COL5A2: variants seen among roughly 807,000 people sequenced by gnomAD.
COL5A2 encodes collagen alpha-2(V) chain.
In COL5A2, 23 loss-of-function variants were observed where a neutral mutation model predicts 208.2. The ratio of observed to expected loss-of-function variants is 0.11; its 90% CI spans 0.08 to 0.16. COL5A2 has a LOEUF of 0.16. Among genes scored for constraint, COL5A2 ranks in the 10% least tolerant of loss-of-function variants. COL5A2 has a pLI of 1.00. For missense variants in COL5A2, 1,590 were observed against 1,956.4 expected, an observed-to-expected ratio of 0.81 and a Z score of 3.53; for synonymous variants, 625 against 628.5, an observed-to-expected ratio of 0.99 and a Z score of 0.08.
intron 8 of COL5A2, 62 bp from the exon 9 acceptor site, chr2:189,086,832 A>G: frequency 7.4e-7 from 1 of 1,356,940 alleles, no homozygotes; most frequent in Non-Finnish European, 1.0e-6. Context: ...AAATATTTCA[A>G]AAATGTTGAA....
chr2:189,051,552 T>C (rs1473476199), intron 41 of COL5A2, 71 bp from the exon 42 acceptor site: 1 of 1,402,776 alleles, frequency 7.1e-7, no homozygotes, highest in African/African-American at 1.5e-5. Context: ...GACATAACGC[T>C]GTCTGCCTCA....
chr2:189,270,692 C>T, the COL5A2 span, among the ~76,000 whole-genome samples: 1 of 151,994 alleles, frequency 6.6e-6, no homozygotes, highest in East Asian at 1.9e-4. Context: ...AAAGGGTATT[C>T]AAATAGGAAG....
chr2:189,178,266 G>A (rs554947253), intron 1 of COL5A2, among the ~76,000 whole-genome samples: 26 of 152,136 alleles, frequency 1.7e-4, no homozygotes, highest in African/African-American at 6.0e-4. Flanking sequence ...TTACAAATTC[G>A]TATTTTCACT....
At chr2:189,288,054 C>T in the COL5A2 span, among the ~76,000 whole-genome samples, 1 of 151,664 alleles carries the variant, frequency 6.6e-6, no homozygotes, top group Non-Finnish European at 1.5e-5. Context: ...AACAGCTACA[C>T]TAAAAAAAAG....
intron 1 of COL5A2, among the ~76,000 whole-genome samples, chr2:189,114,355 C>T (rs1336820172): frequency 6.6e-6 from 1 of 152,066 alleles, no homozygotes; most frequent in Admixed American, 6.5e-5. Flanking sequence ...TAGTTGTACA[C>T]CATATGATTA....
At chr2:189,192,974 T>G (rs534655818) in intron 1 of COL5A2, among the ~76,000 whole-genome samples, 1 of 152,360 alleles carries the variant, frequency 6.6e-6, no homozygotes, top group African/African-American at 2.4e-5. Flanking sequence ...AGAGTGCTAC[T>G]TATCACAAGA....
chr2:189,245,587 C>T, the COL5A2 span, among the ~76,000 whole-genome samples: 1 of 151,330 alleles, frequency 6.6e-6, no homozygotes, highest in African/African-American at 2.4e-5. Context: ...CGGGTTCACG[C>T]CATTCTCCTG....
intron 1 of COL5A2, among the ~76,000 whole-genome samples, chr2:189,201,310 G>C (rs1304815817): frequency 6.6e-6 from 1 of 151,872 alleles, no homozygotes; most frequent in Non-Finnish European, 1.5e-5. Context: ...TTAATAATAA[G>C]TCCATGAAAT....
At chr2:189,151,114 A>G (rs572994528) in intron 1 of COL5A2, among the ~76,000 whole-genome samples, 30 of 152,266 alleles carry the variant, frequency 2.0e-4, no homozygotes, top group African/African-American at 6.3e-4. Flanking sequence ...ATAATAAGAA[A>G]TAAATGTAAC....
At chr2:189,271,900 T>C in the COL5A2 span, among the ~76,000 whole-genome samples, 3 of 152,126 alleles carry the variant, frequency 2.0e-5, no homozygotes, top group African/African-American at 7.2e-5. Context: ...CCAACAAACA[T>C]ATTTTAAAAA....
the COL5A2 span, among the ~76,000 whole-genome samples, chr2:189,363,645 C>T: frequency 6.6e-6 from 1 of 151,846 alleles, no homozygotes; most frequent in Admixed American, 6.6e-5. Flanking sequence ...AAGTATGGTA[C>T]TAACAGCCTC....
Position 189,057,036 on chromosome 2 carries a change from C to G in COL5A2, c.2338-10G>C. On this transcript the variant is annotated splice_polypyrimidine_tract_variant and intron_variant, in intron 34 of 53. Coordinates refer to ENST00000374866, the MANE Select transcript of COL5A2 (RefSeq NM_000393.5). ...TTTCTCCTATGCCACCCTGGGAAAA[C>G]ACACAAAATACAATTGATTCATTTA... is the stretch of plus-strand genomic sequence containing the variant. 1.2e-6 allele frequency: 2 copies of G among 1,613,096 alleles called. No homozygotes were observed. The highest frequency in any genetic ancestry group is 1.7e-6 in the Non-Finnish European group (2 of 1,179,122).
At chr2:189,239,970 A>T in the COL5A2 span, among the ~76,000 whole-genome samples, 1 of 152,146 alleles carries the variant, frequency 6.6e-6, no homozygotes, top group Non-Finnish European at 1.5e-5. Context: ...GGAAGATAAT[A>T]ACTCTGTACT....
chr2:189,091,177 A>C (rs1576520335), intron 7 of COL5A2, among the ~76,000 whole-genome samples: 1 of 152,318 alleles, frequency 6.6e-6, no homozygotes, highest in Non-Finnish European at 1.5e-5. Context: ...CATTGGGGGA[A>C]GTAATTGCAG....
upstream of COL5A2, among the ~76,000 whole-genome samples, chr2:189,226,511 G>C (rs193050818): frequency 6.6e-6 from 1 of 152,220 alleles, no homozygotes; most frequent in East Asian, 1.9e-4. Context: ...TGTGATTGGA[G>C]GGAAACTACC....
At chr2:189,408,618 T>G in the COL5A2 span, among the ~76,000 whole-genome samples, 1 of 152,178 alleles carries the variant, frequency 6.6e-6, no homozygotes, top group Non-Finnish European at 1.5e-5. Flanking sequence ...ATAAATTATA[T>G]GTACTAATTT....
intron 9 of COL5A2, among the ~76,000 whole-genome samples, chr2:189,086,118 G>C (rs1470818991): frequency 6.6e-6 from 1 of 152,132 alleles, no homozygotes; most frequent in Non-Finnish European, 1.5e-5. Flanking sequence ...GTCACTGATA[G>C]CTTGAAGTAA....
At chr2:189,257,203 A>G in the COL5A2 span, among the ~76,000 whole-genome samples, 1 of 152,056 alleles carries the variant, frequency 6.6e-6, no homozygotes, top group African/African-American at 2.4e-5. Flanking sequence ...GAGCCAATTT[A>G]CCCCACATTA....
chr2:189,233,633 G>A, the COL5A2 span, among the ~76,000 whole-genome samples: 1 of 151,110 alleles, frequency 6.6e-6, no homozygotes, highest in African/African-American at 2.4e-5. Flanking sequence ...TTTTATTGTT[G>A]GAAGAAGTGT....
Sources: gnomAD v4.1 joint callset for allele counts (sites outside exome capture counted in the v4.1 genomes callset) on GRCh38, gnomAD v4.1.1 for gene constraint, MANE v1.5 for transcripts, NCBI Gene and HGNC (gene_info 2026-07-23, HGNC 2026-07-21) for gene names.